NCOA2: variants seen among roughly 807,000 people sequenced by gnomAD.
NCOA2 encodes nuclear receptor coactivator 2, also known as class E basic helix-loop-helix protein 75.
A neutral mutation model predicts 145.1 loss-of-function variants in NCOA2; 21 were observed. The ratio of observed to expected loss-of-function variants is 0.14; its 90% CI spans 0.10 to 0.21. NCOA2 has a LOEUF of 0.21. Ranked by LOEUF, NCOA2 falls within the 10% of genes least tolerant of loss-of-function variation. The pLI, the probability that NCOA2 is intolerant of heterozygous loss-of-function variation, is 1.00. For missense variants in NCOA2, 1,472 were observed against 1,837.6 expected, an observed-to-expected ratio of 0.80 and a Z score of 3.64; for synonymous variants, 619 against 637.5, an observed-to-expected ratio of 0.97 and a Z score of 0.44.
intron 1 of NCOA2, among the ~76,000 whole-genome samples, chr8:70,366,519 T>C (rs1342685769): frequency 6.6e-6 from 1 of 151,256 alleles, no homozygotes; most frequent in Non-Finnish European, 1.5e-5. Flanking sequence ...AGAGTTCATA[T>C]ATATATATAT....
chr8:70,257,165 C>A (rs1823704154), intron 2 of NCOA2, among the ~76,000 whole-genome samples: 1 of 152,124 alleles, frequency 6.6e-6, no homozygotes, highest in Non-Finnish European at 1.5e-5. Context: ...AAACTCACAC[C>A]AGTTGAGTCC....
intron 4 of NCOA2, among the ~76,000 whole-genome samples, chr8:70,182,404 G>T (rs1815588151): frequency 6.6e-6 from 1 of 152,150 alleles, no homozygotes; most frequent in African/African-American, 2.4e-5. Context: ...TTCATCAATG[G>T]TATAAGGCAT....
intron 4 of NCOA2, among the ~76,000 whole-genome samples, chr8:70,178,695 A>C (rs531999351): frequency 2.0e-5 from 3 of 152,346 alleles, no homozygotes; most frequent in Admixed American, 2.0e-4. Context: ...GCAAGCCCTC[A>C]GTTCAAAAAA....
chr8:70,178,385 T>C (rs973185969), intron 4 of NCOA2, among the ~76,000 whole-genome samples: 4 of 152,226 alleles, frequency 2.6e-5, no homozygotes, highest in African/African-American at 9.7e-5. Context: ...ACATTACTTA[T>C]AAATGCAAAA....
chr8:70,196,883 T>C (rs1323088938), intron 4 of NCOA2, among the ~76,000 whole-genome samples: 1 of 152,246 alleles, frequency 6.6e-6, no homozygotes, highest in Non-Finnish European at 1.5e-5. Context: ...CTTTGGGTTC[T>C]AGTTTGTCAC....
At chr8:70,240,596 G>T (rs1822041395) in intron 2 of NCOA2, among the ~76,000 whole-genome samples, 1 of 152,178 alleles carries the variant, frequency 6.6e-6, no homozygotes, top group African/African-American at 2.4e-5. Context: ...AGTGCCAGAA[G>T]GCTGTGATGT....
intron 2 of NCOA2, among the ~76,000 whole-genome samples, chr8:70,219,872 G>A (rs1472665571): frequency 6.6e-6 from 1 of 152,100 alleles, no homozygotes; most frequent in Non-Finnish European, 1.5e-5. Flanking sequence ...ATTTCACACT[G>A]GAACAGGAGG....
At chr8:70,328,149 T>C (rs1021170458) in intron 1 of NCOA2, among the ~76,000 whole-genome samples, 4 of 152,224 alleles carry the variant, frequency 2.6e-5, no homozygotes, top group African/African-American at 2.4e-5. Context: ...TACAGAAAAG[T>C]TGAAGACCTG....
chr8:70,250,392 CAAAAAAAAAAAA>C (rs34008376), intron 2 of NCOA2, among the ~76,000 whole-genome samples: 4 of 49,598 alleles, frequency 8.1e-5, no homozygotes, highest in Admixed American at 3.4e-4. Flanking sequence ...GACCCTGTCT[CAAAAAAAAAAAA>C]AAAAAAAAAA....
At chr8:70,440,367 G>A in the NCOA2 span, among the ~76,000 whole-genome samples, 1 of 152,182 alleles carries the variant, frequency 6.6e-6, no homozygotes, top group South Asian at 2.1e-4. Context: ...GAGGTCAGGA[G>A]TTTGAGACTA....
the NCOA2 span, among the ~76,000 whole-genome samples, chr8:70,420,076 T>C: frequency 6.6e-6 from 1 of 152,182 alleles, no homozygotes; most frequent in Admixed American, 6.5e-5. Context: ...GCAAGAACCA[T>C]ATTTAAATCT....
intron 5 of NCOA2, among the ~76,000 whole-genome samples, chr8:70,174,335 A>G (rs1471398996): frequency 5.3e-5 from 8 of 152,206 alleles, no homozygotes. Context: ...TTCAAATAGC[A>G]TAAATAGAAA....
chr8:70,309,900 G>GCAGTGAT (rs1828176246), intron 1 of NCOA2, among the ~76,000 whole-genome samples: 2 of 152,124 alleles, frequency 1.3e-5, no homozygotes, highest in Admixed American at 1.3e-4. Flanking sequence ...GATGCAGTGA[G>GCAGTGAT]CAGTGATCAC....
the NCOA2 span, among the ~76,000 whole-genome samples, chr8:70,442,116 GAAGAAAGA>G: frequency 0.063 from 5,168 of 82,424 alleles, 155 homozygotes; most frequent in Non-Finnish European, 0.095. Context: ...GAGAAAGAAA[GAAGAAAGA>G]AAGAAAGAAA....
the NCOA2 span, among the ~76,000 whole-genome samples, chr8:70,416,015 A>G: frequency 6.6e-6 from 1 of 152,206 alleles, no homozygotes; most frequent in Non-Finnish European, 1.5e-5. Flanking sequence ...AGATATTTAT[A>G]TCTAATAAAG....
intron 2 of NCOA2, among the ~76,000 whole-genome samples, chr8:70,261,223 T>C (rs983469236): frequency 4.5e-4 from 68 of 152,196 alleles, no homozygotes; most frequent in South Asian, 8.3e-4. Flanking sequence ...CAATGATAGA[T>C]TGGATTAAGA....
intron 9 of NCOA2, among the ~76,000 whole-genome samples, 152 bp from the exon 10 acceptor site, chr8:70,159,804 T>C (rs1812744494): frequency 6.6e-6 from 1 of 152,206 alleles, no homozygotes; most frequent in African/African-American, 2.4e-5. Context: ...TTTATGAGAT[T>C]GAAACATAAC....
intron 1 of NCOA2, 116 bp downstream of exon 1, chr8:70,403,584 C>G (rs191759280): frequency 9.5e-6 from 3 of 315,068 alleles, no homozygotes; most frequent in Non-Finnish European, 1.7e-5. Context: ...AGGCGCACGG[C>G]TCTGTCGGAG....
the NCOA2 span, among the ~76,000 whole-genome samples, chr8:70,416,868 G>T: frequency 2.0e-5 from 3 of 152,148 alleles, no homozygotes; most frequent in African/African-American, 7.2e-5. Context: ...TTGCCTTGGG[G>T]ATTAAGTTTC....
Sources: gnomAD v4.1 joint callset for allele counts (sites outside exome capture counted in the v4.1 genomes callset) on GRCh38, gnomAD v4.1.1 for gene constraint, MANE v1.5 for transcripts, NCBI Gene and HGNC (gene_info 2026-07-23, HGNC 2026-07-21) for gene names.